TLE4: variants seen among roughly 807,000 people sequenced by gnomAD.
TLE4 encodes TLE family member 4, transcriptional corepressor.
A neutral mutation model predicts 92.8 loss-of-function variants in TLE4; 8 were observed. The ratio of observed to expected loss-of-function variants is 0.09; its 90% CI spans 0.05 to 0.16. The LOEUF (loss-of-function observed/expected upper bound fraction) is 0.16, where lower values mean the gene tolerates loss of function less well. Among genes scored for constraint, TLE4 ranks in the 10% least tolerant of loss-of-function variants. The probability of loss-of-function intolerance (pLI) is 1.00; values close to 1 mark genes in which losing one functional copy is unlikely to be tolerated. For synonymous variants in TLE4, 371 were observed against 374.1 expected (o/e 0.99, Z 0.10); for missense variants, 675 against 997.6 (o/e 0.68, Z 4.36).
intron 8 of TLE4, among the ~76,000 whole-genome samples, chr9:79,677,505 T>A (rs2063488956): frequency 1.3e-5 from 2 of 152,128 alleles, no homozygotes. Flanking sequence ...TTGAAAGTAT[T>A]GGACTATGAT....
intron 6 of TLE4, among the ~76,000 whole-genome samples, chr9:79,644,089 A>T (rs1473499395): frequency 3.9e-5 from 6 of 151,930 alleles, no homozygotes; most frequent in Non-Finnish European, 5.9e-5. Context: ...TACAATCCCC[A>T]TATGTGGTGG....
At chr9:79,692,541 C>T (rs1048433470) in intron 8 of TLE4, among the ~76,000 whole-genome samples, 7 of 152,120 alleles carry the variant, frequency 4.6e-5, no homozygotes, top group Non-Finnish European at 1.0e-4. Flanking sequence ...GTAGTTATCT[C>T]GTTTAATTGT....
intron 8 of TLE4, among the ~76,000 whole-genome samples, chr9:79,682,194 A>G (rs2064848030): frequency 6.6e-6 from 1 of 152,130 alleles, no homozygotes; most frequent in Non-Finnish European, 1.5e-5. Flanking sequence ...TCTTTTATCC[A>G]CTATTCTGAA....
intron 8 of TLE4, among the ~76,000 whole-genome samples, chr9:79,661,289 G>A (rs1587947269): frequency 6.6e-6 from 1 of 152,222 alleles, no homozygotes; most frequent in South Asian, 2.1e-4. Context: ...ATCACTCATG[G>A]GGTAGTTTAA....
chr9:79,695,349 T>TCACACA lies in TLE4; in HGVS notation c.610-9433_610-9432insACACAC, dbSNP rs66493129. On this transcript the variant is annotated intron_variant, in intron 8 of 19. Coordinates refer to ENST00000376552, the MANE Select transcript of TLE4 (RefSeq NM_007005.6). ...CCTTTGGTGTGCCTACAAATGCATA[T>TCACACA]CTCACACACACACACACACACACAC... Among the ~76,000 whole-genome samples the TCACACA allele has an allele frequency of 3.4e-3, 140 of 41,132 alleles. 2 individuals carry two copies. In the South Asian group the frequency reaches 0.086, roughly 25 times the overall value. 27.0% of individuals were successfully genotyped at this position (41,132 alleles called of 152,430 possible).
chr9:79,588,696 G>A (rs2041816541), intron 4 of TLE4, among the ~76,000 whole-genome samples: 1 of 152,142 alleles, frequency 6.6e-6, no homozygotes, highest in Non-Finnish European at 1.5e-5. Context: ...AACAGGCATG[G>A]CACCTTCTTT....
rs367887190 is a variant in TLE4 at position 79,652,780 on chromosome 9, A to G, written c.578A>G (p.Asn193Ser). Reference protein sequence around the residue: ...PIKDEKKHHDNDHQRDRDSIK... With the variant: ...PIKDEKKHHDSDHQRDRDSIK... ...AAAGATGAGAAGAAGCACCATGACA[A>G]TGATCACCAAAGAGGTGAGTAACTC... Residue 193 changes from asparagine (N) to serine (S), a missense_variant, in exon 7 of 20, where the codon AAT becomes AGT. By Grantham distance (46) the Asn-to-Ser change is conservative. This residue lies in a region of TLE4 where 280 missense variants were observed against 287.3 expected (regional missense o/e 0.97). Coordinates refer to ENST00000376552, the MANE Select transcript of TLE4 (RefSeq NM_007005.6). The G allele has an allele frequency of 9.1e-5, 147 of 1,614,032 alleles. No homozygotes were observed. Among genetic ancestry groups the G allele is most frequent in the Middle Eastern group, 3.3e-4 (2 of 6,084 alleles).
intron 15 of TLE4, among the ~76,000 whole-genome samples, chr9:79,719,730 T>G (rs558755003): frequency 6.6e-5 from 10 of 152,318 alleles, no homozygotes; most frequent in African/African-American, 2.4e-4. Flanking sequence ...AGCTCCTGCA[T>G]TAGTGTACGT....
At chr9:79,646,088 T>A (rs867059476) in intron 6 of TLE4, among the ~76,000 whole-genome samples, 1,686 of 152,122 alleles carry the variant, frequency 0.011, 38 homozygotes, top group African/African-American at 0.038. Flanking sequence ...TATATATATT[T>A]TTTTTAACCT....
chr9:79,720,518 G>C (rs1313224861), intron 16 of TLE4, among the ~76,000 whole-genome samples: 1 of 151,976 alleles, frequency 6.6e-6, no homozygotes, highest in Non-Finnish European at 1.5e-5. Context: ...CTTGTTTTCT[G>C]TAGTACTTGA....
intron 4 of TLE4, among the ~76,000 whole-genome samples, chr9:79,606,441 A>C (rs551997387): frequency 1.1e-4 from 17 of 148,064 alleles, no homozygotes; most frequent in Non-Finnish European, 2.2e-4. Flanking sequence ...GGTTTGTTAC[A>C]TAGGTATATA....
intron 19 of TLE4, 80 bp from the exon 20 acceptor site, chr9:79,724,957 T>A (rs1008422430): frequency 3.6e-5 from 37 of 1,026,778 alleles, no homozygotes; most frequent in Admixed American, 7.3e-5. Flanking sequence ...CACATTACAT[T>A]TGCATTTGCT....
At chr9:79,628,392 T>C (rs1410814399) in intron 6 of TLE4, among the ~76,000 whole-genome samples, 1 of 152,050 alleles carries the variant, frequency 6.6e-6, no homozygotes, top group Non-Finnish European at 1.5e-5. Context: ...TTCAAATTGC[T>C]GAGTGAAGAT....
chr9:79,623,460 A>T (rs1368456740), intron 5 of TLE4, among the ~76,000 whole-genome samples: 1 of 152,156 alleles, frequency 6.6e-6, no homozygotes, highest in East Asian at 1.9e-4. Flanking sequence ...CTTTGTCTGA[A>T]CAAATGCCAG....
chr9:79,702,446 C>G (rs1198007010), intron 8 of TLE4, among the ~76,000 whole-genome samples: 1 of 152,124 alleles, frequency 6.6e-6, no homozygotes, highest in African/African-American at 2.4e-5. Flanking sequence ...GTCATGAAAA[C>G]CTACTGAGTG....
chr9:79,726,498 C>G lies in TLE4; in HGVS notation c.*1354C>G, dbSNP rs1368765165. The G allele has an allele frequency of 6.6e-6, 1 of 152,036 alleles. No homozygotes were observed. The highest frequency in any genetic ancestry group is 1.5e-5 in the Non-Finnish European group (1 of 68,004). The allele number at this position is 152,036 out of a possible 1,614,324, so 9.4% of individuals were successfully genotyped here. On this transcript the variant is annotated 3_prime_UTR_variant, in exon 20 of 20. Coordinates refer to ENST00000376552, the MANE Select transcript of TLE4 (RefSeq NM_007005.6). ...TCATACTAGAAATGGATGGATGCTG[C>G]AAGTTGAAATGGACTGTCCATTGAC... is the stretch of plus-strand genomic sequence containing the variant.
chr9:79,687,756 T>C (rs2066192641), intron 8 of TLE4, among the ~76,000 whole-genome samples: 1 of 152,200 alleles, frequency 6.6e-6, no homozygotes, highest in African/African-American at 2.4e-5. Flanking sequence ...TAAGAGGCAG[T>C]CCTTAAAATC....
At chr9:79,578,038 A>G (rs1332565581) in intron 4 of TLE4, among the ~76,000 whole-genome samples, 3 of 152,254 alleles carry the variant, frequency 2.0e-5, no homozygotes, top group South Asian at 2.1e-4. Flanking sequence ...GCAGTTTATC[A>G]CATTATGAAA....
chr9:79,628,613 G>A (rs543783915), intron 6 of TLE4, among the ~76,000 whole-genome samples: 3 of 151,954 alleles, frequency 2.0e-5, no homozygotes, highest in Non-Finnish European at 4.4e-5. Flanking sequence ...AAAAAACCTG[G>A]TAGGAAATTA....
Sources: allele counts gnomAD v4.1 joint callset (sites outside exome capture counted in the v4.1 genomes callset), GRCh38; gene constraint gnomAD v4.1.1; regional missense constraint gnomAD v4.1.1; transcripts MANE v1.5; gene names NCBI Gene and HGNC (gene_info 2026-07-23, HGNC 2026-07-21).